The following UBAC2 variants were observed in gnomAD, a reference collection of about 807,000 sequenced individuals.
The protein encoded by UBAC2 is UBA domain containing 2, also known as ubiquitin-associated domain-containing protein 2.
Under a neutral mutation model 44.0 loss-of-function variants are expected in UBAC2, and 26 were observed. That is an observed-to-expected ratio of 0.59 (90% CI 0.43 to 0.82). The LOEUF (loss-of-function observed/expected upper bound fraction) is 0.82. Among genes scored for constraint, UBAC2 ranks in the 40% least tolerant of loss-of-function variants. UBAC2 has a pLI of 0.00. For synonymous variants in UBAC2, 155 were observed against 154.3 expected (o/e 1.00, Z -0.04); for missense variants, 329 against 419.4 (o/e 0.78, Z 1.88).
intron 4 of UBAC2, among the ~76,000 whole-genome samples, chr13:99,267,251 T>C (rs1003193161): frequency 3.9e-5 from 6 of 152,242 alleles, no homozygotes; most frequent in Non-Finnish European, 5.9e-5. Context: ...GAGCTCTTTA[T>C]GTAATCTAGA....
intron 4 of UBAC2, among the ~76,000 whole-genome samples, chr13:99,292,236 C>A (rs1338333450): frequency 6.6e-6 from 1 of 151,730 alleles, no homozygotes; most frequent in African/African-American, 2.4e-5. Context: ...CCCAGGTTCA[C>A]GCCATTCTCC....
chr13:99,364,046 A>G (rs2045299538), intron 7 of UBAC2, among the ~76,000 whole-genome samples: 1 of 152,236 alleles, frequency 6.6e-6, no homozygotes, highest in East Asian at 1.9e-4. Flanking sequence ...GCTTTGAGAG[A>G]CATTTGTAAA....
At position 99,287,707 on chromosome 13, in the gene UBAC2, A is replaced by G. The variant is rs542599214; in HGVS notation, c.390-26390A>G. 1.0e-4 allele frequency among the ~76,000 whole-genome samples: 14 copies of G among 138,266 alleles called. No homozygotes were observed. The South Asian group carries it at 2.9e-3, about 29-fold the overall frequency. The allele number at this position is 138,266 out of a possible 152,430, so 90.7% of individuals were successfully genotyped here. A position where few individuals can be genotyped will look rare whatever the true frequency, so the allele number is the denominator to read the frequency against. Reference sequence around the variant, plus strand: ...GCCATGTTGCCCAGGCTGATCTCCAATTCCTGGGCTCAAGTGAGCCTCCTG... The same window carrying G: ...GCCATGTTGCCCAGGCTGATCTCCAGTTCCTGGGCTCAAGTGAGCCTCCTG... On this transcript the variant is annotated intron_variant, in intron 4 of 8. Coordinates refer to ENST00000403766, the MANE Select transcript of UBAC2 (RefSeq NM_001144072.2).
At chr13:99,325,087 G>A (rs1352618708) in intron 6 of UBAC2, among the ~76,000 whole-genome samples, 1 of 145,392 alleles carries the variant, frequency 6.9e-6, no homozygotes, top group African/African-American at 2.5e-5. Context: ...CATAACTTTA[G>A]TGTCTATGCT....
intron 4 of UBAC2, among the ~76,000 whole-genome samples, chr13:99,253,882 T>G (rs2043493764): frequency 6.6e-6 from 1 of 152,142 alleles, no homozygotes; most frequent in African/African-American, 2.4e-5. Context: ...ATGTTAAGAG[T>G]GATAAAGGTA....
chr13:99,356,042 CAGTA>C, intron 7 of UBAC2: 1 of 423,604 alleles, frequency 2.4e-6, no homozygotes, highest in South Asian at 1.7e-5. Flanking sequence ...ACCTATGTCA[CAGTA>C]AGATCAGCTG....
intron 6 of UBAC2, among the ~76,000 whole-genome samples, chr13:99,339,258 A>G (rs1207665451): frequency 6.6e-6 from 1 of 152,208 alleles, no homozygotes; most frequent in African/African-American, 2.4e-5. Flanking sequence ...ATCATCCTTA[A>G]GATCTTCGCT....
chr13:99,244,371 A>ATATATACAAACATATGCATGTGTG, intron 3 of UBAC2, 144 bp from the exon 4 acceptor site: 1 of 496,430 alleles, frequency 2.0e-6, no homozygotes. Context: ...AATTTCAAAT[A>ATATATACAAACATATGCATGTGTG]TATATACACA....
intron 1 of UBAC2, chr13:99,201,603 G>A: frequency 6.2e-7 from 1 of 1,610,670 alleles, no homozygotes; most frequent in Non-Finnish European, 8.5e-7. Flanking sequence ...CAGTTAAACG[G>A]CTTTTCTCAC....
In UBAC2 at chr13:99,295,502, C is replaced by G. The variant is rs2044156677; in HGVS notation, c.390-18595C>G. ...GAGTTTGCAGCAGATCTGAGAATAGCAGATGAGAATGATTATAAGTGGAAG... is the reference window on the plus strand; with the variant it reads ...GAGTTTGCAGCAGATCTGAGAATAGGAGATGAGAATGATTATAAGTGGAAG... On this transcript the variant is annotated intron_variant, in intron 4 of 8. Coordinates refer to ENST00000403766, the MANE Select transcript of UBAC2 (RefSeq NM_001144072.2). This position sits in a 1 kb window ranked among gnomAD's most constrained non-coding sequence, Gnocchi z 4.1. 2 of 1,613,778 alleles carry G rather than the reference C, an allele frequency of 1.2e-6. No homozygotes were observed. The highest frequency in any genetic ancestry group is 1.7e-6 in the Non-Finnish European group (2 of 1,180,006).
intron 8 of UBAC2, among the ~76,000 whole-genome samples, chr13:99,378,746 T>A (rs1354467527): frequency 6.6e-6 from 1 of 152,256 alleles, no homozygotes; most frequent in Non-Finnish European, 1.5e-5. Context: ...AGTCACTGTG[T>A]TCCATGCATT....
intron 7 of UBAC2, among the ~76,000 whole-genome samples, chr13:99,347,551 T>A (rs1364566169): frequency 3.3e-5 from 5 of 151,944 alleles, no homozygotes; most frequent in Non-Finnish European, 7.4e-5. Flanking sequence ...TTACTTTCAC[T>A]CTGTGAGAAA....
intron 1 of UBAC2, among the ~76,000 whole-genome samples, chr13:99,226,656 C>T (rs945904383): frequency 2.0e-5 from 3 of 152,188 alleles, no homozygotes; most frequent in Non-Finnish European, 4.4e-5. Flanking sequence ...GGCTCTGGAC[C>T]ATTCCCCTCA....
intron 4 of UBAC2, among the ~76,000 whole-genome samples, chr13:99,278,432 C>T (rs890916704): frequency 6.6e-5 from 10 of 151,930 alleles, no homozygotes; most frequent in African/African-American, 1.2e-4. Flanking sequence ...GAATTGCAAC[C>T]GTTGGAGTAT....
intron 1 of UBAC2, among the ~76,000 whole-genome samples, chr13:99,214,837 G>GTT (rs34949273): frequency 0.57 from 86,890 of 151,700 alleles, 26,705 homozygotes; most frequent in Non-Finnish European, 0.71. Context: ...TAGACTGTGG[G>GTT]TGGGGAAGGG....
At chr13:99,370,559 C>T (rs982821684) in intron 8 of UBAC2, among the ~76,000 whole-genome samples, 1 of 152,340 alleles carries the variant, frequency 6.6e-6, no homozygotes. Flanking sequence ...TCCACGCCAT[C>T]GCCTCCCCAT....
intron 6 of UBAC2, among the ~76,000 whole-genome samples, chr13:99,324,925 G>A (rs539763707): frequency 5.1e-4 from 77 of 152,168 alleles, no homozygotes; most frequent in Admixed American, 4.6e-3. Context: ...ATCTAGGTTT[G>A]TGTAAGTACA....
chr13:99,287,639 CTTTCTTTTTTTTTTTT>C (rs201976833), intron 4 of UBAC2, among the ~76,000 whole-genome samples: 20,838 of 114,512 alleles, frequency 0.18, 1,744 homozygotes, highest in East Asian at 0.4. Context: ...TTTTTTTTTT[CTTTCTTTTTTTTTTTT>C]TTTTTTTTTG....
chr13:99,274,434 C>G (rs1435763962), intron 4 of UBAC2, among the ~76,000 whole-genome samples: 1 of 151,286 alleles, frequency 6.6e-6, no homozygotes, highest in Non-Finnish European at 1.5e-5. Context: ...AAGTAATTCT[C>G]CTGCCTCAGC....
Sources: gnomAD v4.1 joint callset for allele counts (sites outside exome capture counted in the v4.1 genomes callset) on GRCh38, gnomAD v4.1.1 for gene constraint, Gnocchi (gnomAD v3.1) non-coding constraint, MANE v1.5 for transcripts, NCBI Gene and HGNC (gene_info 2026-07-23, HGNC 2026-07-21) for gene names.